The following MYO3A variants were observed in gnomAD, a reference collection of about 807,000 sequenced individuals.
MYO3A encodes myosin IIIA.
Under a neutral mutation model 192.7 loss-of-function variants are expected in MYO3A, and 180 were observed. That is an observed-to-expected ratio of 0.93 (90% CI 0.83 to 1.06). The LOEUF is 1.06. Among genes scored for constraint, MYO3A ranks in the 50% least tolerant of loss-of-function variants. The pLI, the probability that MYO3A is intolerant of heterozygous loss-of-function variation, is 0.00. For missense variants in MYO3A, 1,896 were observed against 1,905.0 expected (o/e 1.00, Z 0.09); for synonymous variants, 628 against 645.3 (o/e 0.97, Z 0.41).
intron 17 of MYO3A, among the ~76,000 whole-genome samples, chr10:26,098,123 A>T: frequency 6.6e-6 from 1 of 152,116 alleles, no homozygotes; most frequent in Non-Finnish European, 1.5e-5. Flanking sequence ...CTGGTGTGAG[A>T]TGGTATCTCA....
intron 20 of MYO3A, among the ~76,000 whole-genome samples, chr10:26,129,557 C>T (rs577348550): frequency 5.3e-5 from 8 of 152,266 alleles, no homozygotes; most frequent in Non-Finnish European, 8.8e-5. Context: ...GTAGCATGGT[C>T]CTCTCTTTTC....
chr10:26,166,014 C>T, intron 26 of MYO3A, 53 bp from the exon 27 acceptor site: 1 of 1,428,986 alleles, frequency 7.0e-7, no homozygotes, highest in East Asian at 2.3e-5. Flanking sequence ...CACCAAGCTA[C>T]AGAGATGTTG....
At chr10:26,014,091 T>C (rs189244945) in intron 6 of MYO3A, among the ~76,000 whole-genome samples, 92 of 152,104 alleles carry the variant, frequency 6.0e-4, no homozygotes, top group African/African-American at 2.0e-3. Flanking sequence ...ATTACATACA[T>C]GTGTGATGTA....
At chr10:26,208,697 A>G (rs1402522333) in intron 34 of MYO3A, among the ~76,000 whole-genome samples, 1 of 152,182 alleles carries the variant, frequency 6.6e-6, no homozygotes, top group Non-Finnish European at 1.5e-5. Flanking sequence ...TCAAGTATCC[A>G]CTGAGCTCAG....
chr10:26,107,711 T>A (rs1429777641), intron 17 of MYO3A, among the ~76,000 whole-genome samples: 1 of 152,138 alleles, frequency 6.6e-6, no homozygotes, highest in East Asian at 1.9e-4. Flanking sequence ...ATCCCATATC[T>A]CTGGCTTTGT....
At chr10:26,093,171 A>G (rs1330062316) in intron 15 of MYO3A, among the ~76,000 whole-genome samples, 1 of 152,216 alleles carries the variant, frequency 6.6e-6, no homozygotes, top group Non-Finnish European at 1.5e-5. Context: ...ACAATGTACA[A>G]TTAGTGTACA....
intron 31 of MYO3A, among the ~76,000 whole-genome samples, chr10:26,182,357 C>A (rs957312431): frequency 3.9e-5 from 6 of 152,208 alleles, no homozygotes; most frequent in Admixed American, 2.0e-4. Context: ...TGATACTCCT[C>A]CAGCCAGCTT....
intron 30 of MYO3A, among the ~76,000 whole-genome samples, chr10:26,175,362 G>A (rs1341430916): frequency 6.6e-6 from 1 of 152,134 alleles, no homozygotes; most frequent in African/African-American, 2.4e-5. Flanking sequence ...TTATGTGTTA[G>A]CACTGTTATT....
chr10:26,034,043 G>A (rs146928525), intron 10 of MYO3A, among the ~76,000 whole-genome samples: 10 of 152,104 alleles, frequency 6.6e-5, no homozygotes, highest in African/African-American at 2.4e-4. Context: ...CCCACAGTGG[G>A]GAGTACCCCA....
intron 10 of MYO3A, among the ~76,000 whole-genome samples, chr10:26,062,225 AT>A (rs35171493): frequency 0.47 from 71,322 of 151,248 alleles, 17,666 homozygotes; most frequent in Middle Eastern, 0.59. Flanking sequence ...CAAGTGTATA[AT>A]TTTTTTAAGT....
chr10:25,993,672 A>G (rs1289928804), intron 4 of MYO3A, among the ~76,000 whole-genome samples: 1 of 152,200 alleles, frequency 6.6e-6, no homozygotes, highest in Non-Finnish European at 1.5e-5. Flanking sequence ...TTCCCTCTAC[A>G]CACTGCTTTA....
chr10:25,940,223 A>G (rs1319813915), intron 2 of MYO3A, among the ~76,000 whole-genome samples: 2 of 151,468 alleles, frequency 1.3e-5, no homozygotes, highest in African/African-American at 2.4e-5. Flanking sequence ...CATGCTGTCT[A>G]TTTCTACTGC....
intron 20 of MYO3A, 102 bp downstream of exon 20, chr10:26,128,640 A>G: frequency 4.0e-6 from 5 of 1,236,982 alleles, no homozygotes; most frequent in South Asian, 4.0e-5. Flanking sequence ...TGCCTTAAAC[A>G]TTTTAGAAAG....
At chr10:26,088,147 T>C in intron 14 of MYO3A, 56 bp from the exon 15 acceptor site, 1 of 1,356,462 alleles carries the variant, frequency 7.4e-7, no homozygotes, top group Admixed American at 2.1e-5. Context: ...GACATTTCAT[T>C]ATATACCAAA....
intron 20 of MYO3A, among the ~76,000 whole-genome samples, chr10:26,140,971 A>G (rs1389801923): frequency 6.6e-6 from 1 of 152,096 alleles, no homozygotes; most frequent in East Asian, 1.9e-4. Flanking sequence ...TCTGTCGCCC[A>G]GGCTGGAGTG....
chr10:26,175,205 T>A (rs1842264388), intron 30 of MYO3A, among the ~76,000 whole-genome samples: 1 of 152,218 alleles, frequency 6.6e-6, no homozygotes, highest in African/African-American at 2.4e-5. Context: ...ATGCAATTTG[T>A]CTCTGATACA....
chr10:25,989,544 C>T (rs904462638), intron 4 of MYO3A, among the ~76,000 whole-genome samples: 4 of 152,024 alleles, frequency 2.6e-5, no homozygotes, highest in African/African-American at 9.7e-5. Context: ...ATAAATGTGC[C>T]TCAGTTTTTT....
intron 17 of MYO3A, among the ~76,000 whole-genome samples, chr10:26,107,203 TG>T (rs1837864090): frequency 6.6e-6 from 1 of 152,104 alleles, no homozygotes; most frequent in Non-Finnish European, 1.5e-5. Flanking sequence ...GATTAGAGGC[TG>T]GGCGCAGTGG....
intron 2 of MYO3A, among the ~76,000 whole-genome samples, chr10:25,948,029 A>G (rs1836969657): frequency 6.6e-6 from 1 of 152,136 alleles, no homozygotes; most frequent in Non-Finnish European, 1.5e-5. Context: ...GGATGCAGGA[A>G]GTAAGACTGG....
Sources: gnomAD v4.1 joint callset for allele counts (sites outside exome capture counted in the v4.1 genomes callset) on GRCh38, gnomAD v4.1.1 for gene constraint, MANE v1.5 for transcripts, NCBI Gene and HGNC (gene_info 2026-07-23, HGNC 2026-07-21) for gene names.